Variants in WASF2 observed in about 807,000 individuals in gnomAD.
WASF2 encodes the protein WASP family member 2.
In WASF2, 14 loss-of-function variants were observed where a neutral mutation model predicts 45.0. That is an observed-to-expected ratio of 0.31 (90% confidence interval 0.21 to 0.49). The LOEUF (loss-of-function observed/expected upper bound fraction) is 0.49. WASF2 is among the 20% of genes least tolerant of loss of function. The pLI is 0.99. For missense variants in WASF2, 439 were observed against 636.1 expected (o/e 0.69, Z 3.33); for synonymous variants, 200 against 236.3 (o/e 0.85, Z 1.41).
intron 1 of WASF2, among the ~76,000 whole-genome samples, chr1:27,448,227 G>A (rs2017336004): frequency 6.6e-6 from 1 of 152,180 alleles, no homozygotes; most frequent in Non-Finnish European, 1.5e-5. Context: ...TATTCTCCAT[G>A]CATGCATGAA....
At chr1:27,489,792 GTCAC>G (rs1392650929) in intron 1 of WASF2, among the ~76,000 whole-genome samples, 190 bp downstream of exon 1, 1 of 152,152 alleles carries the variant, frequency 6.6e-6, no homozygotes, top group Admixed American at 6.5e-5. Flanking sequence ...GGGACTTCGG[GTCAC>G]TCCCTCCCTC....
chr1:27,410,220 GA>G lies in WASF2; in HGVS notation c.825-15del. The G allele has an allele frequency of 1.9e-6, 3 of 1,612,686 alleles. No homozygotes were observed. In the Admixed American group the frequency reaches 5.0e-5, roughly 27 times the overall value. On this transcript the variant is annotated splice_polypyrimidine_tract_variant and intron_variant, in intron 7 of 8. Transcript: ENST00000618852. The surrounding 1 kb of genome is among the most constrained non-coding windows in gnomAD (Gnocchi z 4.2). ...TCCACTGGGTAACTAAAAGGCCAAA[GA>G]AAAAAAGACTCACCATCACCCTTAG...
chr1:27,474,817 T>G (rs1156750756), intron 1 of WASF2, among the ~76,000 whole-genome samples: 1 of 151,606 alleles, frequency 6.6e-6, no homozygotes, highest in Non-Finnish European at 1.5e-5. Flanking sequence ...CCTGGCATGG[T>G]GACCTGCATC....
intron 1 of WASF2, among the ~76,000 whole-genome samples, chr1:27,456,452 G>A (rs1176300816): frequency 6.6e-6 from 1 of 151,944 alleles, no homozygotes; most frequent in African/African-American, 2.4e-5. Flanking sequence ...CAGGACAACT[G>A]GGTCCCCTTA....
intron 1 of WASF2, among the ~76,000 whole-genome samples, chr1:27,434,661 C>T (rs969177095): frequency 6.6e-6 from 1 of 152,100 alleles, no homozygotes; most frequent in African/African-American, 2.4e-5. Flanking sequence ...AGTTAGCTAC[C>T]CAAAAAATTT....
chr1:27,452,478 A>C lies in WASF2; in HGVS notation c.-43-23545T>G, dbSNP rs556251618. ...CAGTGAGCTGAGATCGTGCCACTGC[A>C]CTCCAGCCTGGTGACAGAGTGAGAC... On this transcript the variant is annotated intron_variant, in intron 1 of 8. Coordinates refer to ENST00000618852, the MANE Select transcript of WASF2 (RefSeq NM_006990.5). 2.6e-5 allele frequency among the ~76,000 whole-genome samples: 4 copies of C among 152,150 alleles called. No individual in the cohort carries two copies. The South Asian group carries it at 8.3e-4, about 32-fold the overall frequency.
At chr1:27,441,242 C>T (rs1043593907) in intron 1 of WASF2, among the ~76,000 whole-genome samples, 3 of 152,064 alleles carry the variant, frequency 2.0e-5, no homozygotes, top group African/African-American at 7.2e-5. Flanking sequence ...ACTGTACTCC[C>T]AGCACTTTGG....
chr1:27,464,547 G>A (rs1477886720), intron 1 of WASF2, among the ~76,000 whole-genome samples: 1 of 151,994 alleles, frequency 6.6e-6, no homozygotes, highest in Non-Finnish European at 1.5e-5. Flanking sequence ...AGCTCAAAGA[G>A]GTCAAATGAC....
intron 1 of WASF2, among the ~76,000 whole-genome samples, chr1:27,453,256 G>A (rs2017409842): frequency 6.6e-6 from 1 of 151,472 alleles, no homozygotes; most frequent in African/African-American, 2.4e-5. Context: ...AAACTCTAAA[G>A]AATCATGACA....
At chr1:27,411,585 T>C (rs1442018950) in intron 7 of WASF2, among the ~76,000 whole-genome samples, 1 of 152,190 alleles carries the variant, frequency 6.6e-6, no homozygotes, top group Non-Finnish European at 1.5e-5. Context: ...AGGAAAAGGC[T>C]GGGCATGGTG....
chr1:27,489,361 ACAC>A (rs2017995903), intron 1 of WASF2, among the ~76,000 whole-genome samples: 4 of 139,078 alleles, frequency 2.9e-5, no homozygotes, highest in African/African-American at 2.8e-5. Flanking sequence ...ACACACACAC[ACAC>A]ACACACACAC....
chr1:27,416,180 C>T (rs895960929), intron 4 of WASF2, 78 bp from the exon 5 acceptor site: 21 of 1,224,212 alleles, frequency 1.7e-5, no homozygotes, highest in Non-Finnish European at 2.5e-5. Context: ...AAACACCTAC[C>T]AGTTAGCAGT....
intron 1 of WASF2, among the ~76,000 whole-genome samples, chr1:27,470,410 C>A (rs1213431694): frequency 1.3e-5 from 2 of 151,884 alleles, no homozygotes; most frequent in Non-Finnish European, 2.9e-5. Flanking sequence ...TAACACAGGA[C>A]CTAAAATGCA....
In WASF2 at chr1:27,436,153, T is replaced by G. The variant is rs116802158; in HGVS notation, c.-43-7220A>C. On this transcript the variant is annotated intron_variant, in intron 1 of 8. Transcript: ENST00000618852. ...CTTTCAAGAGATACATTTCTTTATG[T>G]TAAAGAACATGGCTGGGTGTAGTGA... Among the ~76,000 whole-genome samples the G allele has an allele frequency of 3.4e-3, 524 of 152,368 alleles. 2 individuals are homozygous for G. The highest frequency in any genetic ancestry group is 0.012 in the African/African-American group (500 of 41,584).
chr1:27,412,493 G>A (rs988610600), intron 7 of WASF2, 79 bp downstream of exon 7: 2 of 1,579,160 alleles, frequency 1.3e-6, no homozygotes, highest in Admixed American at 1.7e-5. Context: ...TTACAGGCGT[G>A]AGCCACTGCT....
At chr1:27,461,849 G>A (rs1349342858) in intron 1 of WASF2, among the ~76,000 whole-genome samples, 1 of 151,960 alleles carries the variant, frequency 6.6e-6, no homozygotes, top group East Asian at 1.9e-4. Context: ...TTTTGGTAGA[G>A]ACAGGGTTTC....
At chr1:27,444,731 T>C (rs981147781) in intron 1 of WASF2, among the ~76,000 whole-genome samples, 2 of 152,188 alleles carry the variant, frequency 1.3e-5, no homozygotes, top group Non-Finnish European at 2.9e-5. Flanking sequence ...ATTTTAAGGA[T>C]TACAACAAAG....
At chr1:27,443,467 G>A (rs1377846950) in intron 1 of WASF2, among the ~76,000 whole-genome samples, 3 of 151,862 alleles carry the variant, frequency 2.0e-5, no homozygotes, top group Non-Finnish European at 4.4e-5. Context: ...ACAAAAACTA[G>A]CTGGGCGTGG....
intron 1 of WASF2, among the ~76,000 whole-genome samples, chr1:27,477,682 G>A (rs1045472883): frequency 1.1e-4 from 16 of 140,740 alleles, no homozygotes; most frequent in Admixed American, 3.4e-4. Context: ...GGCGGATCAC[G>A]AGGTCAGGAG....
Sources: allele counts gnomAD v4.1 joint callset (sites outside exome capture counted in the v4.1 genomes callset), GRCh38; gene constraint gnomAD v4.1.1; non-coding constraint Gnocchi (gnomAD v3.1); transcripts MANE v1.5; gene names NCBI Gene and HGNC (gene_info 2026-07-23, HGNC 2026-07-21).